SGIP1: variants seen among roughly 807,000 people sequenced by gnomAD.
The protein encoded by SGIP1 is SH3GL interacting endocytic adaptor 1.
A neutral mutation model predicts 107.5 loss-of-function variants in SGIP1; 38 were observed. The ratio of observed to expected loss-of-function variants is 0.35; its 90% CI spans 0.27 to 0.46. The LOEUF is 0.46. SGIP1 is among the 20% of genes least tolerant of loss of function. The pLI is 1.00. For missense variants in SGIP1, 929 were observed against 1,019.5 expected (o/e 0.91, Z 1.21); for synonymous variants, 365 against 366.1 (o/e 1.00, Z 0.03).
chr1:66,540,664 T>C (rs1281493967), intron 1 of SGIP1, among the ~76,000 whole-genome samples: 1 of 152,254 alleles, frequency 6.6e-6, no homozygotes, highest in Non-Finnish European at 1.5e-5. Context: ...ATTTTTCAGA[T>C]GCAAATTACT....
chr1:66,623,045 G>C (rs1405240237), intron 1 of SGIP1, among the ~76,000 whole-genome samples: 1 of 152,022 alleles, frequency 6.6e-6, no homozygotes, highest in Non-Finnish European at 1.5e-5. Context: ...AATATTTTTT[G>C]ATGAATTCTC....
intron 1 of SGIP1, among the ~76,000 whole-genome samples, chr1:66,552,271 T>C (rs1470386667): frequency 6.6e-6 from 1 of 152,300 alleles, no homozygotes; most frequent in Admixed American, 6.5e-5. Flanking sequence ...GCCCACTTTG[T>C]TGGCTATTGG....
chr1:66,686,566 A>G (rs551625145), intron 15 of SGIP1, among the ~76,000 whole-genome samples: 1 of 152,204 alleles, frequency 6.6e-6, no homozygotes, highest in Non-Finnish European at 1.5e-5. Context: ...ATGTGTAACA[A>G]TTGAATAATT....
intron 8 of SGIP1, chr1:66,667,096 A>T (rs891004252): frequency 1.3e-5 from 2 of 154,704 alleles, no homozygotes; most frequent in Non-Finnish European, 2.9e-5. Context: ...TTTGTACCCT[A>T]ACTATGTGGG....
intron 15 of SGIP1, among the ~76,000 whole-genome samples, chr1:66,683,700 C>CTTTTTGTTTTTTTTTTTTTT (rs2087381641): frequency 1.6e-5 from 1 of 61,396 alleles, no homozygotes; most frequent in African/African-American, 5.7e-5. Context: ...TGTTTCTTTT[C>CTTTTTGTTTTTTTTTTTTTT]TTTTTTTTTT....
At chr1:66,706,695 T>G (rs2092545075) in intron 18 of SGIP1, among the ~76,000 whole-genome samples, 1 of 151,984 alleles carries the variant, frequency 6.6e-6, no homozygotes, top group Admixed American at 6.6e-5. Flanking sequence ...AAAGGTATTT[T>G]TAAAAAGATC....
chr1:66,658,359 C>A (rs941721635), intron 7 of SGIP1, among the ~76,000 whole-genome samples: 29 of 152,158 alleles, frequency 1.9e-4, no homozygotes, highest in Non-Finnish European at 3.7e-4. Context: ...TTCTTTAGAA[C>A]ATTTGCAACA....
At chr1:66,655,044 C>T (rs1571308703) in intron 7 of SGIP1, among the ~76,000 whole-genome samples, 1 of 152,276 alleles carries the variant, frequency 6.6e-6, no homozygotes, top group Non-Finnish European at 1.5e-5. Context: ...CAGCACATAT[C>T]ATAACCAGGT....
At chr1:66,738,344 G>A (rs1395785239) in intron 21 of SGIP1, among the ~76,000 whole-genome samples, 1 of 152,050 alleles carries the variant, frequency 6.6e-6, no homozygotes, top group African/African-American at 2.4e-5. Flanking sequence ...TTCAAAATCA[G>A]CAAAGCTCAT....
At chr1:66,660,357 C>T (rs1053873069) in intron 7 of SGIP1, among the ~76,000 whole-genome samples, 156 bp from the exon 8 acceptor site, 1 of 151,960 alleles carries the variant, frequency 6.6e-6, no homozygotes, top group African/African-American at 2.4e-5. Flanking sequence ...CTAGGAATGA[C>T]CATATCAGAC....
chr1:66,596,503 A>G (rs1369195506), intron 1 of SGIP1, among the ~76,000 whole-genome samples: 1 of 152,070 alleles, frequency 6.6e-6, no homozygotes, highest in Non-Finnish European at 1.5e-5. Flanking sequence ...CAATTAGGAA[A>G]GGGTCGGTAT....
chr1:66,630,849 A>AAGAGAGAGAGAG (rs1285143862), intron 2 of SGIP1, among the ~76,000 whole-genome samples: 1 of 29,314 alleles, frequency 3.4e-5, no homozygotes, highest in African/African-American at 1.8e-4. Flanking sequence ...GAAAGAAAGA[A>AAGAGAGAGAGAG]AGAAAGAAAG....
chr1:66,598,776 C>A (rs376010371), intron 1 of SGIP1, among the ~76,000 whole-genome samples: 16 of 152,248 alleles, frequency 1.1e-4, no homozygotes, highest in African/African-American at 3.9e-4. Context: ...ACGAGAACTC[C>A]GACCCCACGA....
intron 1 of SGIP1, among the ~76,000 whole-genome samples, chr1:66,604,162 T>C (rs2066379214): frequency 6.6e-6 from 1 of 152,164 alleles, no homozygotes; most frequent in African/African-American, 2.4e-5. Context: ...TATGATGAGA[T>C]GTTTAAGAAG....
intron 19 of SGIP1, among the ~76,000 whole-genome samples, chr1:66,726,060 T>A (rs2093739515): frequency 6.6e-6 from 1 of 152,178 alleles, no homozygotes; most frequent in African/African-American, 2.4e-5. Flanking sequence ...GGCAGAGTTA[T>A]ATGGCTTGCA....
rs1372818432 is a variant in SGIP1 at position 66,745,366 on chromosome 1, A to G, written c.*2271A>G. On this transcript the variant is annotated 3_prime_UTR_variant, in exon 25 of 25. Coordinates refer to ENST00000371037, the MANE Select transcript of SGIP1 (RefSeq NM_032291.4). ...AAATGATTGAACTATGAGTAACCAGAACCTCAATAGAAAATGTATCCCTTC... is the reference window on the plus strand; with the variant it reads ...AAATGATTGAACTATGAGTAACCAGGACCTCAATAGAAAATGTATCCCTTC... The G allele has an allele frequency of 6.6e-6, 1 of 152,056 alleles. No individual in the cohort carries two copies. Among genetic ancestry groups the G allele is most frequent in the African/African-American group, 2.4e-5 (1 of 41,464 alleles). The allele number at this position is 152,056 out of a possible 1,614,324, so 9.4% of individuals were successfully genotyped here. A position where few individuals can be genotyped will look rare whatever the true frequency, so the allele number is the denominator to read the frequency against.
At chr1:66,616,166 A>C (rs1267620977) in intron 1 of SGIP1, 1 of 152,232 alleles carries the variant, frequency 6.6e-6, no homozygotes, top group African/African-American at 2.4e-5. Context: ...ATGTTAGTCA[A>C]TGACATCTCT....
At chr1:66,629,002 T>C (rs1324530308) in intron 2 of SGIP1, among the ~76,000 whole-genome samples, 26 of 152,234 alleles carry the variant, frequency 1.7e-4, no homozygotes, top group Admixed American at 1.7e-3. Flanking sequence ...GTGAACTCTG[T>C]AATTGGATCA....
chr1:66,685,688 A>G (rs1322029344), intron 15 of SGIP1, among the ~76,000 whole-genome samples: 2 of 152,254 alleles, frequency 1.3e-5, no homozygotes, highest in African/African-American at 4.8e-5. Flanking sequence ...AGCAATGTCC[A>G]ATACAGTAGT....
Sources: allele counts gnomAD v4.1 joint callset (sites outside exome capture counted in the v4.1 genomes callset), GRCh38; gene constraint gnomAD v4.1.1; transcripts MANE v1.5; gene names NCBI Gene and HGNC (gene_info 2026-07-23, HGNC 2026-07-21).